ELOVL5: variants seen among roughly 807,000 people sequenced by gnomAD.
ELOVL5 encodes very long chain fatty acid elongase 5.
A neutral mutation model predicts 38.6 loss-of-function variants in ELOVL5; 8 were observed. The observed-to-expected ratio is 0.21, with a 90% CI of 0.12 to 0.37. ELOVL5 has a LOEUF of 0.37. Ranked by LOEUF, ELOVL5 falls within the 10% of genes least tolerant of loss-of-function variation. The pLI, the probability that ELOVL5 is intolerant of heterozygous loss-of-function variation, is 1.00. For missense variants in ELOVL5, 280 were observed against 367.8 expected, an observed-to-expected ratio of 0.76 and a Z score of 1.95; for synonymous variants, 127 against 133.7, an observed-to-expected ratio of 0.95 and a Z score of 0.34.
chr6:53,339,699 C>T (rs1156640540), intron 1 of ELOVL5, among the ~76,000 whole-genome samples: 1 of 152,170 alleles, frequency 6.6e-6, no homozygotes, highest in Non-Finnish European at 1.5e-5. Flanking sequence ...GTAACAGTAT[C>T]ACACATAAAA....
At chr6:53,291,702 T>C (rs1486185751) in intron 3 of ELOVL5, 74 bp downstream of exon 3, 1 of 1,297,658 alleles carries the variant, frequency 7.7e-7, no homozygotes, top group Non-Finnish European at 1.0e-6. Context: ...CCTTTCCTCA[T>C]TTAGGAATAC....
At chr6:53,302,841 T>C (rs1361936172) in intron 1 of ELOVL5, among the ~76,000 whole-genome samples, 1 of 152,174 alleles carries the variant, frequency 6.6e-6, no homozygotes, top group African/African-American at 2.4e-5. Context: ...ACATTCCTTT[T>C]GATTTAAAAA....
At chr6:53,308,463 GAAT>G (rs1463148162) in intron 1 of ELOVL5, among the ~76,000 whole-genome samples, 1 of 152,202 alleles carries the variant, frequency 6.6e-6, no homozygotes, top group Non-Finnish European at 1.5e-5. Context: ...GTGAATGAAT[GAAT>G]AATGAGTGGA....
intron 3 of ELOVL5, chr6:53,290,049 C>T (rs1275877756): frequency 5.3e-5 from 8 of 152,146 alleles, no homozygotes. Context: ...TTAGTCACTG[C>T]TCAAAGTCTT....
intron 1 of ELOVL5, among the ~76,000 whole-genome samples, chr6:53,308,745 G>A (rs902765969): frequency 1.3e-5 from 2 of 151,796 alleles, no homozygotes; most frequent in South Asian, 2.1e-4. Context: ...TCACCCAGAC[G>A]GTATCCATAC....
chr6:53,311,482 T>A (rs1237716373), intron 1 of ELOVL5, among the ~76,000 whole-genome samples: 1 of 152,170 alleles, frequency 6.6e-6, no homozygotes, highest in Admixed American at 6.5e-5. Flanking sequence ...CACTCCTAGG[T>A]ATATACCCAA....
intron 1 of ELOVL5, among the ~76,000 whole-genome samples, chr6:53,298,902 G>GT (rs1006479390): frequency 2.0e-5 from 3 of 147,654 alleles, no homozygotes; most frequent in Non-Finnish European, 3.0e-5. Context: ...GGGCAAGGCG[G>GT]GGGGGGGGAG....
At chr6:53,281,665 G>C (rs1015658040) in intron 3 of ELOVL5, among the ~76,000 whole-genome samples, 21 of 152,160 alleles carry the variant, frequency 1.4e-4, no homozygotes, top group African/African-American at 4.8e-4. Flanking sequence ...ACTCAAAATT[G>C]AAAGTACCTA....
Position 53,270,718 on chromosome 6 carries a change from CA to C in ELOVL5, c.630del (p.Phe210LeufsTer3). ...KYITQGQLLQ[F>X]VLTIIQTSCG... is the part of the protein sequence containing the mutation. The stretch of plus-strand genomic sequence containing the variant: ...CAGCTGGTCTGGATGATTGTCAGCA[CA>C]AACTGAAGCTAGGGGAACAGAGGGG... On this transcript the variant is annotated frameshift_variant, in exon 7 of 8. Transcript: ENST00000304434. LOFTEE classifies it high-confidence loss of function. 1 of 1,614,176 alleles carries C rather than the reference CA, an allele frequency of 6.2e-7. No individual in the cohort carries two copies. Among genetic ancestry groups the C allele is most frequent in the Non-Finnish European group, 8.5e-7 (1 of 1,180,014 alleles).
At chr6:53,329,447 C>T (rs1436315137) in intron 1 of ELOVL5, among the ~76,000 whole-genome samples, 1 of 152,140 alleles carries the variant, frequency 6.6e-6, no homozygotes, top group Non-Finnish European at 1.5e-5. Context: ...CTTTGAGTTT[C>T]TCAGTAACAT....
chr6:53,316,933 GT>G (rs1347571801), intron 1 of ELOVL5, among the ~76,000 whole-genome samples: 1 of 152,156 alleles, frequency 6.6e-6, no homozygotes, highest in Non-Finnish European at 1.5e-5. Flanking sequence ...ATGTCATATA[GT>G]TTGAATTAGT....
At chr6:53,285,563 A>T (rs74404569) in intron 3 of ELOVL5, among the ~76,000 whole-genome samples, 54,995 of 151,898 alleles carry the variant, frequency 0.36, 11,012 homozygotes, top group African/African-American at 0.55. Context: ...TGGCTACACT[A>T]AACTGTAGCA....
In ELOVL5 at chr6:53,269,106, G is replaced by T. The variant is rs749262790; in HGVS notation, c.*21C>A. On this transcript the variant is annotated 3_prime_UTR_variant, in exon 8 of 8. Coordinates refer to ENST00000304434, the MANE Select transcript of ELOVL5 (RefSeq NM_021814.5). ...GCTTACAATCAGATGACGTGGTTTG[G>T]AGGGTTTCAATTCTTTGACTTCAAT... The T allele has an allele frequency of 1.2e-6, 2 of 1,610,964 alleles. No individual in the cohort carries two copies. The highest frequency in any genetic ancestry group is 1.7e-6 in the Non-Finnish European group (2 of 1,178,918).
intron 1 of ELOVL5, among the ~76,000 whole-genome samples, chr6:53,340,083 A>C (rs914497201): frequency 1.3e-5 from 2 of 152,208 alleles, no homozygotes. Context: ...AGCTTGAAGA[A>C]TAAGGATACG....
intron 1 of ELOVL5, among the ~76,000 whole-genome samples, chr6:53,339,973 G>GCACC (rs1769257889): frequency 6.6e-6 from 1 of 152,148 alleles, no homozygotes; most frequent in Non-Finnish European, 1.5e-5. Context: ...ATGGAAGACG[G>GCACC]TGACATTGAT....
At chr6:53,302,602 G>A (rs1034526182) in intron 1 of ELOVL5, among the ~76,000 whole-genome samples, 3 of 151,632 alleles carry the variant, frequency 2.0e-5, no homozygotes, top group African/African-American at 4.8e-5. Context: ...GGGATCTTAA[G>A]GCAAATCTGT....
intron 3 of ELOVL5, among the ~76,000 whole-genome samples, chr6:53,281,508 A>T (rs948881431): frequency 3.3e-5 from 5 of 152,208 alleles, no homozygotes; most frequent in Non-Finnish European, 5.9e-5. Context: ...AGCAGTTCCA[A>T]GCATCTTTGC....
At chr6:53,321,793 C>A (rs1768313545) in intron 1 of ELOVL5, among the ~76,000 whole-genome samples, 2 of 152,166 alleles carry the variant, frequency 1.3e-5, no homozygotes, top group Non-Finnish European at 2.9e-5. Flanking sequence ...AATATATACA[C>A]TGAAAATTTG....
At chr6:53,276,565 C>T (rs1338125414) in intron 3 of ELOVL5, among the ~76,000 whole-genome samples, 1 of 152,154 alleles carries the variant, frequency 6.6e-6, no homozygotes, top group Non-Finnish European at 1.5e-5. Context: ...AGTGCCCAGA[C>T]CAAGCCAATC....
Sources: allele counts gnomAD v4.1 joint callset (sites outside exome capture counted in the v4.1 genomes callset), GRCh38; gene constraint gnomAD v4.1.1; transcripts MANE v1.5; gene names NCBI Gene and HGNC (gene_info 2026-07-23, HGNC 2026-07-21).